The following SPAG16 variants were observed in gnomAD, a reference collection of about 807,000 sequenced individuals.
The protein encoded by SPAG16 is sperm associated antigen 16.
A neutral mutation model predicts 80.4 loss-of-function variants in SPAG16; 86 were observed. The ratio of observed to expected loss-of-function variants is 1.07; its 90% CI spans 0.90 to 1.28. The LOEUF (loss-of-function observed/expected upper bound fraction) is 1.28, where lower values mean the gene tolerates loss of function less well. SPAG16 is among the 50% of genes most tolerant of loss of function. The pLI is 0.00. For synonymous variants in SPAG16, 294 were observed against 265.9 expected, an observed-to-expected ratio of 1.11 and a Z score of -1.03; for missense variants, 870 against 765.3, an observed-to-expected ratio of 1.14 and a Z score of -1.61.
intron 15 of SPAG16, among the ~76,000 whole-genome samples, chr2:214,211,754 G>C (rs928887988): frequency 1.3e-5 from 2 of 152,104 alleles, no homozygotes; most frequent in African/African-American, 4.8e-5. Flanking sequence ...TTCTTATCAT[G>C]GCCAGCAAAT....
At chr2:213,504,136 C>G (rs2074865126) in intron 10 of SPAG16, among the ~76,000 whole-genome samples, 1 of 152,190 alleles carries the variant, frequency 6.6e-6, no homozygotes, top group Admixed American at 6.5e-5. Flanking sequence ...GTGACTCTTG[C>G]TAAGCGGAAG....
chr2:214,173,611 A>G (rs2056961814), intron 15 of SPAG16, among the ~76,000 whole-genome samples: 1 of 151,954 alleles, frequency 6.6e-6, no homozygotes, highest in Admixed American at 6.6e-5. Flanking sequence ...AGAGTCCAGG[A>G]CCAGATGGAT....
intron 13 of SPAG16, among the ~76,000 whole-genome samples, chr2:214,056,955 A>C (rs2049976056): frequency 6.6e-6 from 1 of 152,126 alleles, no homozygotes; most frequent in Admixed American, 6.6e-5. Flanking sequence ...TCATCCATTA[A>C]AATTTTATCA....
At chr2:214,105,759 T>G (rs2053349942) in intron 13 of SPAG16, among the ~76,000 whole-genome samples, 1 of 152,232 alleles carries the variant, frequency 6.6e-6, no homozygotes, top group African/African-American at 2.4e-5. Flanking sequence ...GTTTGAGTAT[T>G]GCTTTTGATT....
chr2:214,235,974 T>C lies in SPAG16; in HGVS notation c.1720+86708T>C, dbSNP rs538204470. On this transcript the variant is annotated intron_variant, in intron 15 of 15. Transcript: ENST00000331683. ...CAGCAGTACAATGTGTAGAGTACAG[T>C]GTGGTGGGCATCAATGGTTATTCTG... Among the ~76,000 whole-genome samples the C allele has an allele frequency of 2.6e-4, 39 of 152,256 alleles. No individual in the cohort carries two copies. The South Asian group carries it at 7.7e-3, about 30-fold the overall frequency.
In SPAG16 at chr2:214,089,779, T is replaced by A. The variant is rs73075074; in HGVS notation, c.1528-18417T>A. Among the ~76,000 whole-genome samples the A allele has an allele frequency of 5.5e-3, 840 of 152,198 alleles. 6 individuals are homozygous for A. The highest frequency in any genetic ancestry group is 0.02 in the African/African-American group (818 of 41,558). The stretch of plus-strand genomic sequence containing the variant: ...TCTCTAAGAAATTCCATCCAGTTCT[T>A]CAAATTTAGAAGTCATCACTAAAAT... On this transcript the variant is annotated intron_variant, in intron 13 of 15. Coordinates refer to ENST00000331683, the MANE Select transcript of SPAG16 (RefSeq NM_024532.5).
chr2:214,302,024 GTTGT>G (rs1694587397), intron 15 of SPAG16, among the ~76,000 whole-genome samples: 1 of 151,774 alleles, frequency 6.6e-6, no homozygotes, highest in African/African-American at 2.4e-5. Flanking sequence ...CCTCAATTTT[GTTGT>G]TTGTTTGCCC....
chr2:213,808,483 A>T (rs1009935175), intron 10 of SPAG16, among the ~76,000 whole-genome samples: 47 of 152,232 alleles, frequency 3.1e-4, no homozygotes, highest in African/African-American at 1.1e-3. Context: ...CTAAATCAAA[A>T]CCAGTAAAGA....
intron 3 of SPAG16, among the ~76,000 whole-genome samples, chr2:213,305,111 C>G (rs982652284): frequency 6.6e-6 from 1 of 151,968 alleles, no homozygotes; most frequent in Non-Finnish European, 1.5e-5. Flanking sequence ...AAGTTAACTT[C>G]TAGGTATATT....
chr2:213,470,094 G>C (rs2072994936), intron 9 of SPAG16, among the ~76,000 whole-genome samples: 1 of 152,124 alleles, frequency 6.6e-6, no homozygotes, highest in Non-Finnish European at 1.5e-5. Context: ...GTCTATGGGA[G>C]AAACAGTACC....
At chr2:213,669,421 T>G (rs2063734018) in intron 10 of SPAG16, among the ~76,000 whole-genome samples, 1 of 152,204 alleles carries the variant, frequency 6.6e-6, no homozygotes, top group Admixed American at 6.5e-5. Context: ...AGTTTAGCTA[T>G]GAGAAGTCTA....
chr2:214,052,764 C>T (rs1209785599), intron 13 of SPAG16, among the ~76,000 whole-genome samples: 1 of 152,114 alleles, frequency 6.6e-6, no homozygotes, highest in African/African-American at 2.4e-5. Flanking sequence ...TCTCATACTT[C>T]CCCTCTGTTT....
intron 15 of SPAG16, among the ~76,000 whole-genome samples, chr2:214,199,806 G>A (rs1390116852): frequency 2.0e-5 from 3 of 152,102 alleles, no homozygotes; most frequent in Admixed American, 1.3e-4. Flanking sequence ...TCCTTGTACA[G>A]ATCTTTCACC....
chr2:213,329,050 G>A (rs1464949485), intron 5 of SPAG16, among the ~76,000 whole-genome samples: 1 of 151,990 alleles, frequency 6.6e-6, no homozygotes, highest in African/African-American at 2.4e-5. Context: ...TTTTTGTCTT[G>A]CACCATGATA....
intron 9 of SPAG16, among the ~76,000 whole-genome samples, chr2:213,404,356 A>G (rs931232009): frequency 6.6e-6 from 1 of 152,200 alleles, no homozygotes; most frequent in Admixed American, 6.5e-5. Context: ...GTACCAAAAC[A>G]GAGATATAGA....
chr2:213,381,343 A>G (rs1273724869), intron 9 of SPAG16, among the ~76,000 whole-genome samples: 1 of 152,210 alleles, frequency 6.6e-6, no homozygotes, highest in African/African-American at 2.4e-5. Context: ...TATTTTGTCC[A>G]GTGAAAATAA....
At chr2:213,923,303 G>A (rs907423854) in intron 11 of SPAG16, among the ~76,000 whole-genome samples, 1 of 152,178 alleles carries the variant, frequency 6.6e-6, no homozygotes, top group Admixed American at 6.5e-5. Context: ...GCTCCAGCAG[G>A]CATTGCCTAC....
chr2:213,342,352 A>ATATATATATACATATATATG (rs2064742020), intron 6 of SPAG16, among the ~76,000 whole-genome samples: 4 of 57,018 alleles, frequency 7.0e-5, no homozygotes, highest in African/African-American at 2.2e-4. Context: ...ACATATATGT[A>ATATATATATACATATATATG]TATATATATT....
At chr2:213,787,991 G>A (rs2070448055) in intron 10 of SPAG16, among the ~76,000 whole-genome samples, 1 of 151,926 alleles carries the variant, frequency 6.6e-6, no homozygotes, top group African/African-American at 2.4e-5. Flanking sequence ...TAATAAGAAA[G>A]AATCATAAGA....
Sources: allele counts gnomAD v4.1 joint callset (sites outside exome capture counted in the v4.1 genomes callset), GRCh38; gene constraint gnomAD v4.1.1; transcripts MANE v1.5; gene names NCBI Gene and HGNC (gene_info 2026-07-23, HGNC 2026-07-21).